The following PADI4 variants were observed in gnomAD, a reference collection of about 807,000 sequenced individuals.
PADI4 encodes peptidyl arginine deiminase 4.
A neutral mutation model predicts 75.0 loss-of-function variants in PADI4; 62 were observed. The observed-to-expected ratio is 0.83, with a 90% CI of 0.67 to 1.02. The LOEUF is 1.02. Ranked by LOEUF, PADI4 falls within the 50% of genes least tolerant of loss-of-function variation. The pLI, the probability that PADI4 is intolerant of heterozygous loss-of-function variation, is 0.00. For missense variants in PADI4, 845 were observed against 850.5 expected, an observed-to-expected ratio of 0.99 and a Z score of 0.08; for synonymous variants, 361 against 348.1, an observed-to-expected ratio of 1.04 and a Z score of -0.41.
At chr1:17,341,542 CCCTACTCA>C (rs2074418528) in intron 6 of PADI4, among the ~76,000 whole-genome samples, 1 of 152,208 alleles carries the variant, frequency 6.6e-6, no homozygotes, top group Non-Finnish European at 1.5e-5. Context: ...CTCTGCTTCT[CCCTACTCA>C]CCCGTAAGAC....
intron 3 of PADI4, chr1:17,334,437 G>A (rs533561084): frequency 2.8e-5 from 13 of 456,934 alleles, no homozygotes; most frequent in Admixed American, 2.6e-4. Flanking sequence ...CTAGTAGCTG[G>A]GACTACAGGC....
intron 1 of PADI4, among the ~76,000 whole-genome samples, chr1:17,329,125 G>C (rs913891299): frequency 2.0e-5 from 3 of 148,318 alleles, no homozygotes; most frequent in African/African-American, 7.4e-5. Flanking sequence ...TTTTGTACGA[G>C]TGCACGATTC....
At position 17,343,758 on chromosome 1, in the gene PADI4, G is replaced by A. The variant is rs529253927; in HGVS notation, c.935+1356G>A. Among the ~76,000 whole-genome samples the A allele has an allele frequency of 2.0e-3, 297 of 152,256 alleles. 2 individuals are homozygous for A. Among genetic ancestry groups the A allele is most frequent in the African/African-American group, 6.7e-3 (279 of 41,544 alleles). ...TGCATCTTGCTCATTTTCTCTTGCC[G>A]CCGCCATGTAAGAAGTGCCTTTTGC... On this transcript the variant is annotated intron_variant, in intron 8 of 15. Transcript: ENST00000375448.
intron 6 of PADI4, among the ~76,000 whole-genome samples, chr1:17,340,414 G>A (rs910728898): frequency 2.6e-5 from 4 of 152,124 alleles, no homozygotes; most frequent in Non-Finnish European, 4.4e-5. Flanking sequence ...GTTGTGTGGA[G>A]AGAGGGTGGC....
Position 17,316,414 on chromosome 1 carries a change from G to T in PADI4, c.92+8100G>T, listed in dbSNP as rs956749036. On this transcript the variant is annotated intron_variant, in intron 1 of 15. Transcript: ENST00000375448. The stretch of plus-strand genomic sequence containing the variant: ...GTCTCAAAAATAAATAAATAGCCAG[G>T]CGCGGTGGCTCACGCCTGTAATCCC... 2.0e-5 allele frequency among the ~76,000 whole-genome samples: 3 copies of T among 146,590 alleles called. No individual in the cohort carries two copies. In the East Asian group the frequency reaches 6.2e-4, roughly 30 times the overall value.
chr1:17,342,299 G>A lies in PADI4; in HGVS notation c.832G>A (p.Glu278Lys). The change falls in exon 8 of 16, where the codon GAG becomes AAG. Residue 278 changes from glutamate to lysine, a missense_variant and splice_region_variant. Glu to Lys is a moderately conservative substitution (Grantham distance 56, BLOSUM62 1). Transcript: ENST00000375448. Reference protein sequence around the residue: ...TISLLDTSNLELPEAVVFQDS... With the variant: ...TISLLDTSNLKLPEAVVFQDS... ...CTTCCCCTTACCCCCTCCCCTGCAG[G>A]AGCTCCCCGAGGCTGTGGTGTTCCA... 6.2e-7 allele frequency: 1 copy of A among 1,608,498 alleles called. No individual in the cohort carries two copies. The highest frequency in any genetic ancestry group is 1.1e-5 in the South Asian group (1 of 90,938).
chr1:17,338,003 G>A (rs2074346698), intron 4 of PADI4, 35 bp from the exon 5 acceptor site: 1 of 1,341,196 alleles, frequency 7.5e-7, no homozygotes, highest in East Asian at 2.3e-5. Flanking sequence ...CTCTATGCTA[G>A]TTTCTGAGCA....
At chr1:17,347,783 C>T (rs1271366647) in intron 9 of PADI4, 158 bp from the exon 10 acceptor site, 4 of 470,722 alleles carry the variant, frequency 8.5e-6, no homozygotes, top group African/African-American at 2.0e-5. Context: ...CAATAAGCTC[C>T]GCTTCTGAGC....
In PADI4 at chr1:17,308,217, C is replaced by T. The variant is rs770256765; in HGVS notation, c.-6C>T. The T allele has an allele frequency of 1.2e-5, 20 of 1,613,668 alleles. No individual in the cohort carries two copies. Among genetic ancestry groups the T allele is most frequent in the Non-Finnish European group, 1.7e-5 (20 of 1,179,710 alleles). On this transcript the variant is annotated 5_prime_UTR_variant, in exon 1 of 16. Coordinates refer to ENST00000375448, the MANE Select transcript of PADI4 (RefSeq NM_012387.3). ...CCTACAGCCAGAGGGACGAGCTAGCCCGACGATGGCCCAGGGGACATTGAT... is the reference window on the plus strand; with the variant it reads ...CCTACAGCCAGAGGGACGAGCTAGCTCGACGATGGCCCAGGGGACATTGAT...
At chr1:17,319,770 C>G (rs2100671706) in intron 1 of PADI4, among the ~76,000 whole-genome samples, 1 of 152,270 alleles carries the variant, frequency 6.6e-6, no homozygotes, top group Non-Finnish European at 1.5e-5. Context: ...TCAGAAACAG[C>G]TGGATTGACT....
chr1:17,308,505 T>C (rs1424819872), intron 1 of PADI4, among the ~76,000 whole-genome samples, 191 bp downstream of exon 1: 1 of 152,158 alleles, frequency 6.6e-6, no homozygotes, highest in Non-Finnish European at 1.5e-5. Flanking sequence ...TGTGGGTTCT[T>C]TGCCATGTAC....
At chr1:17,309,462 ATAACT>A (rs2073757498) in intron 1 of PADI4, among the ~76,000 whole-genome samples, 1 of 152,172 alleles carries the variant, frequency 6.6e-6, no homozygotes. Flanking sequence ...TGCTTAAAAG[ATAACT>A]TAACTCTTTG....
intron 1 of PADI4, among the ~76,000 whole-genome samples, chr1:17,311,976 A>G (rs2073841453): frequency 6.6e-6 from 1 of 152,160 alleles, no homozygotes; most frequent in Admixed American, 6.5e-5. Context: ...TAATGCACAC[A>G]AAGTGTCTGG....
chr1:17,336,239 C>T lies in PADI4; in HGVS notation c.408+13C>T. 1 of 1,610,174 alleles carries T rather than the reference C, an allele frequency of 6.2e-7. No homozygotes were observed. Among genetic ancestry groups the T allele is most frequent in the Non-Finnish European group, 8.5e-7 (1 of 1,176,392 alleles). On this transcript the variant is annotated intron_variant, in intron 4 of 15. Transcript: ENST00000375448. ...TGTGAAAGATCAGGTACCACTCACC[C>T]AAACGCTCCTTTCCTACTTCTACTG...
At chr1:17,339,851 C>A in intron 6 of PADI4, 38 bp downstream of exon 6, 1 of 1,557,780 alleles carries the variant, frequency 6.4e-7, no homozygotes, top group Non-Finnish European at 8.7e-7. Flanking sequence ...CCTGCCCTGG[C>A]CAACGGGGCA....
intron 9 of PADI4, among the ~76,000 whole-genome samples, chr1:17,347,012 A>G (rs1570067022): frequency 6.6e-6 from 1 of 150,830 alleles, no homozygotes; most frequent in African/African-American, 2.4e-5. Flanking sequence ...ATCTCGGCTC[A>G]TCACAACCTC....
intron 8 of PADI4, among the ~76,000 whole-genome samples, chr1:17,343,417 GCA>G (rs1348716209): frequency 6.6e-6 from 1 of 152,056 alleles, no homozygotes; most frequent in Non-Finnish European, 1.5e-5. Context: ...AGCTTCAGGG[GCA>G]GAAGAGTAAG....
chr1:17,336,589 G>A (rs1299344343), intron 4 of PADI4, among the ~76,000 whole-genome samples: 2 of 152,180 alleles, frequency 1.3e-5, no homozygotes, highest in Non-Finnish European at 2.9e-5. Context: ...TGTCTACATG[G>A]GGGAATAACA....
At chr1:17,320,015 C>CT (rs2074007584) in intron 1 of PADI4, among the ~76,000 whole-genome samples, 2 of 152,222 alleles carry the variant, frequency 1.3e-5, no homozygotes, top group Non-Finnish European at 2.9e-5. Context: ...AACTTAGTGA[C>CT]TTCAAACAGC....
Sources: allele counts gnomAD v4.1 joint callset (sites outside exome capture counted in the v4.1 genomes callset), GRCh38; gene constraint gnomAD v4.1.1; transcripts MANE v1.5; gene names NCBI Gene and HGNC (gene_info 2026-07-23, HGNC 2026-07-21).